The following TCTN2 variants were observed in gnomAD, a reference collection of about 807,000 sequenced individuals.
The protein encoded by TCTN2 is tectonic family member 2.
TCTN2 carries 66 observed loss-of-function variants against 83.4 expected under a neutral mutation model. That is an observed-to-expected ratio of 0.79 (90% CI 0.65 to 0.97). The LOEUF is 0.97. Ranked by LOEUF, TCTN2 falls within the 50% of genes least tolerant of loss-of-function variation. TCTN2 has a pLI of 0.00. For missense variants in TCTN2, 794 were observed against 858.1 expected, an observed-to-expected ratio of 0.93 and a Z score of 0.93; for synonymous variants, 301 against 326.7, an observed-to-expected ratio of 0.92 and a Z score of 0.85.
rs1265046318 is a variant in TCTN2 at position 123,707,867 on chromosome 12, C to T, written c.*154C>T. On this transcript the variant is annotated 3_prime_UTR_variant, in exon 18 of 18. Coordinates refer to ENST00000303372, the MANE Select transcript of TCTN2 (RefSeq NM_024809.5). ...CTGGGATTACAGGCATGCACCACCACGCCCGGCTAATTTTGTATTTTTAGT... is the reference window on the plus strand; with the variant it reads ...CTGGGATTACAGGCATGCACCACCATGCCCGGCTAATTTTGTATTTTTAGT... 2.4e-5 allele frequency: 16 copies of T among 673,982 alleles called. No individual in the cohort carries two copies. Among genetic ancestry groups the T allele is most frequent in the Non-Finnish European group, 4.0e-5 (15 of 375,266 alleles). The allele number at this position is 673,982 out of a possible 1,614,324, so 41.8% of individuals were successfully genotyped here.
At position 123,690,770 on chromosome 12, in the gene TCTN2, C is replaced by G. The variant is rs1003856209; in HGVS notation, c.1033+96C>G. ...TAAATCATTTCTACTGGTTCAACTT[C>G]AAATAATATTTGAACTGCCAATTAT... On this transcript the variant is annotated intron_variant, in intron 8 of 17. Transcript: ENST00000303372. The G allele has an allele frequency of 8.2e-6, 12 of 1,468,700 alleles. No homozygotes were observed. In the African/African-American group the frequency reaches 1.5e-4, roughly 19 times the overall value. 91.0% of individuals were successfully genotyped at this position (1,468,700 alleles called of 1,614,324 possible).
chr12:123,692,855 C>T (rs1056502395), intron 9 of TCTN2, 132 bp downstream of exon 9: 1 of 771,592 alleles, frequency 1.3e-6, no homozygotes, highest in South Asian at 1.5e-5. Flanking sequence ...AAAGATCTGC[C>T]AGGAACATTT....
intron 5 of TCTN2, among the ~76,000 whole-genome samples, chr12:123,681,256 C>CAA (rs71088946): frequency 3.5e-5 from 5 of 142,874 alleles, no homozygotes; most frequent in Middle Eastern, 3.6e-3. Context: ...GACTCTCTTT[C>CAA]AAAAAAAAAG....
chr12:123,671,336 G>A lies in TCTN2; in HGVS notation c.82+14G>A, dbSNP rs767541441. On this transcript the variant is annotated intron_variant, in intron 1 of 17. Transcript: ENST00000303372. ...GGGGGGACCTGGGTGTGTACGGCGC[G>A]GCAGTGACCTCGGTGGGCCGGGGCT... is the stretch of plus-strand genomic sequence containing the variant. 3.7e-6 allele frequency: 6 copies of A among 1,613,220 alleles called. No individual in the cohort carries two copies. The highest frequency in any genetic ancestry group is 5.1e-6 in the Non-Finnish European group (6 of 1,179,614).
At chr12:123,690,490 GGA>G (rs1294647124) in intron 7 of TCTN2, 41 bp from the exon 8 acceptor site, 1 of 1,613,872 alleles carries the variant, frequency 6.2e-7, no homozygotes, top group African/African-American at 1.3e-5. Flanking sequence ...TGTATGATTA[GGA>G]GAGAGGCCAT....
intron 5 of TCTN2, among the ~76,000 whole-genome samples, chr12:123,680,624 C>G (rs1955888495): frequency 6.7e-6 from 1 of 149,988 alleles, no homozygotes; most frequent in Admixed American, 6.7e-5. Context: ...TCAAGTGATT[C>G]TTGTGCCTCA....
At chr12:123,677,807 T>A (rs1566245726) in intron 4 of TCTN2, among the ~76,000 whole-genome samples, 1 of 152,114 alleles carries the variant, frequency 6.6e-6, no homozygotes, top group African/African-American at 2.4e-5. Context: ...TCTTTTTTTT[T>A]AAAGTATAGA....
Position 123,696,476 on chromosome 12 carries a change from T to C in TCTN2, c.1374T>C (p.Thr458=). 1 of 1,614,134 alleles carries C rather than the reference T, an allele frequency of 6.2e-7. No individual in the cohort carries two copies. Among genetic ancestry groups the C allele is most frequent in the Non-Finnish European group, 8.5e-7 (1 of 1,179,964 alleles). ...TCAACAGGATGAATAATGTCACGACTTTACATCTTTGGCAATCGGGTAATC... is the reference window on the plus strand; with the variant it reads ...TCAACAGGATGAATAATGTCACGACCTTACATCTTTGGCAATCGGGTAATC... ...LNINRMNNVT[T]LHLWQSAGRG... is the part of the protein sequence containing the mutation. The change falls in exon 12 of 18, where the codon ACT becomes ACC. Residue 458 remains threonine, a synonymous_variant. Coordinates refer to ENST00000303372, the MANE Select transcript of TCTN2 (RefSeq NM_024809.5).
At position 123,700,092 on chromosome 12, in the gene TCTN2, T is replaced by G. The variant is rs7398152; in HGVS notation, c.1612+282T>G. 171,603 of 490,908 alleles carry G rather than the reference T, an allele frequency of 0.35. 31,773 individuals are homozygous for G. Among genetic ancestry groups the G allele is most frequent in the African/African-American group, 0.41 (21,264 of 51,330 alleles). 30.4% of individuals were successfully genotyped at this position (490,908 alleles called of 1,614,324 possible). On this transcript the variant is annotated intron_variant, in intron 14 of 17. Transcript: ENST00000303372. ...AGTGGTGCAATCACAGCTCATTGCC[T>G]CCTCATCCTCCCAGGCTCAAGGGAT...
rs779646207 is a variant in TCTN2, at chr12:123,707,621, T to C, written c.2002T>C (p.Cys668Arg). The change falls in exon 18 of 18, where the codon TGT (cysteine) becomes CGT (arginine). Residue 668 changes from cysteine to arginine, a missense_variant. By Grantham distance (180) the Cys-to-Arg change is radical. Coordinates refer to ENST00000303372, the MANE Select transcript of TCTN2 (RefSeq NM_024809.5). ...QYYQGELHSQ[C>R]VAKGLLLLLF... ...TTTTTCAGGGGAGCTGCATTCTCAG[T>C]GTGTTGCTAAGGGCTTACTGTTGCT... is the stretch of plus-strand genomic sequence containing the variant. The C allele has an allele frequency of 3.1e-6, 5 of 1,614,088 alleles. No individual in the cohort carries two copies. The highest frequency in any genetic ancestry group is 1.3e-5 in the African/African-American group (1 of 74,940).
chr12:123,684,674 A>G (rs1364027196), intron 5 of TCTN2, among the ~76,000 whole-genome samples: 5 of 152,128 alleles, frequency 3.3e-5, no homozygotes. Flanking sequence ...TGCTGGGATT[A>G]TAGGCGTGAG....
At position 123,707,793 on chromosome 12, in the gene TCTN2, C is replaced by A; in HGVS notation, c.*80C>A. ...CTGAAGTGATCTCGGCTCACCACAA[C>A]CTCCTCCTCTTGGGTTCAAGCGATT... On this transcript the variant is annotated 3_prime_UTR_variant, in exon 18 of 18. Coordinates refer to ENST00000303372, the MANE Select transcript of TCTN2 (RefSeq NM_024809.5). 1.8e-6 allele frequency: 2 copies of A among 1,092,406 alleles called. No individual in the cohort carries two copies. The highest frequency in any genetic ancestry group is 2.8e-6 in the Non-Finnish European group (2 of 711,798). The allele number at this position is 1,092,406 out of a possible 1,614,324, so 67.7% of individuals were successfully genotyped here.
chr12:123,687,157 T>A, intron 6 of TCTN2, 122 bp downstream of exon 6: 1 of 1,113,868 alleles, frequency 9.0e-7, no homozygotes. Flanking sequence ...GTTCCGTGCC[T>A]AAAGGGTTCA....
Position 123,690,528 on chromosome 12 carries a change from C to T in TCTN2, c.892-5C>T. 1 of 1,614,194 alleles carries T rather than the reference C, an allele frequency of 6.2e-7. No homozygotes were observed. The highest frequency in any genetic ancestry group is 2.2e-5 in the East Asian group (1 of 44,882). ...AAATCTGTTGGCTTTGCCCTTCTCC[C>T]TCAGGTGTCCCTGGCTGGGCAGTGT... On this transcript the variant is annotated splice_region_variant and splice_polypyrimidine_tract_variant and intron_variant, in intron 7 of 17. Coordinates refer to ENST00000303372, the MANE Select transcript of TCTN2 (RefSeq NM_024809.5).
chr12:123,675,473 A>G (rs1216888566), intron 4 of TCTN2, among the ~76,000 whole-genome samples: 2 of 152,054 alleles, frequency 1.3e-5, no homozygotes, highest in Admixed American at 1.3e-4. Flanking sequence ...AGACTCCTTT[A>G]CTGCCGCTTC....
At chr12:123,693,188 A>T (rs1247367017) in intron 9 of TCTN2, among the ~76,000 whole-genome samples, 3 of 150,028 alleles carry the variant, frequency 2.0e-5, no homozygotes, top group Non-Finnish European at 4.4e-5. Flanking sequence ...CACCACACCC[A>T]GCTAATTTTG....
intron 5 of TCTN2, among the ~76,000 whole-genome samples, chr12:123,684,125 A>C (rs868858880): frequency 2.6e-5 from 4 of 152,206 alleles, no homozygotes; most frequent in African/African-American, 7.2e-5. Flanking sequence ...TATGATTGGC[A>C]TAGAAAAGCT....
At position 123,690,694 on chromosome 12, in the gene TCTN2, AAAAAG is replaced by A. The variant is rs772553299; in HGVS notation, c.1033+23_1033+27del. On this transcript the variant is annotated intron_variant, in intron 8 of 17. Coordinates refer to ENST00000303372, the MANE Select transcript of TCTN2 (RefSeq NM_024809.5). ...TAGGAGGTATGTTACATTTCTTTGA[AAAAAG>A]AACACAGGCCCAAACATGAATATAA... 3.1e-6 allele frequency: 5 copies of A among 1,613,664 alleles called. No individual in the cohort carries two copies. In the South Asian group the frequency reaches 4.4e-5, roughly 14 times the overall value.
chr12:123,701,744 C>CAA (rs756613958), intron 14 of TCTN2, among the ~76,000 whole-genome samples: 1 of 77,394 alleles, frequency 1.3e-5, no homozygotes, highest in Middle Eastern at 0.01. Flanking sequence ...CTCCGTCTCA[C>CAA]AAAAAAAAAA....
Sources: allele counts gnomAD v4.1 joint callset (sites outside exome capture counted in the v4.1 genomes callset), GRCh38; gene constraint gnomAD v4.1.1; transcripts MANE v1.5; gene names NCBI Gene and HGNC (gene_info 2026-07-23, HGNC 2026-07-21).